The following SLC25A13 variants were observed in gnomAD, a reference collection of about 807,000 sequenced individuals.
SLC25A13 encodes the protein solute carrier family 25 member 13, also known as electrogenic aspartate/glutamate antiporter SLC25A13, mitochondrial.
A neutral mutation model predicts 85.5 loss-of-function variants in SLC25A13; 70 were observed. That is an observed-to-expected ratio of 0.82 (90% CI 0.68 to 1.00). The LOEUF (loss-of-function observed/expected upper bound fraction) is 1.00, where lower values mean the gene tolerates loss of function less well. Among genes scored for constraint, SLC25A13 ranks in the 50% least tolerant of loss-of-function variants. SLC25A13 has a pLI of 0.00. For synonymous variants in SLC25A13, 259 were observed against 288.7 expected (o/e 0.90, Z 1.04); for missense variants, 765 against 819.8 (o/e 0.93, Z 0.82).
At chr7:96,258,407 A>T (rs1030740056) in intron 3 of SLC25A13, among the ~76,000 whole-genome samples, 3 of 152,204 alleles carry the variant, frequency 2.0e-5, no homozygotes, top group Admixed American at 6.5e-5. Context: ...AATCACAAAC[A>T]TGCCTATACA....
intron 6 of SLC25A13, among the ~76,000 whole-genome samples, 163 bp downstream of exon 6, chr7:96,192,874 C>G (rs1391141261): frequency 6.6e-6 from 1 of 152,128 alleles, no homozygotes; most frequent in Non-Finnish European, 1.5e-5. Context: ...CCCACTAAAA[C>G]TAGCCAAAAC....
At chr7:96,320,070 T>C (rs547379698) in intron 1 of SLC25A13, among the ~76,000 whole-genome samples, 12 of 152,370 alleles carry the variant, frequency 7.9e-5, no homozygotes, top group African/African-American at 2.6e-4. Context: ...AATGGCACAA[T>C]CTCGGCTCAC....
At chr7:96,159,290 A>C (rs531236076) in intron 13 of SLC25A13, among the ~76,000 whole-genome samples, 29 of 152,226 alleles carry the variant, frequency 1.9e-4, no homozygotes, top group African/African-American at 6.7e-4. Context: ...GTCTCTCCAA[A>C]ATTTGTATAC....
chr7:96,255,543 C>A (rs1212016124), intron 3 of SLC25A13, among the ~76,000 whole-genome samples: 1 of 152,064 alleles, frequency 6.6e-6, no homozygotes, highest in Admixed American at 6.6e-5. Context: ...AAAATTTAGC[C>A]AGCCATGGTG....
At chr7:96,319,257 G>A (rs1800242948) in intron 1 of SLC25A13, among the ~76,000 whole-genome samples, 2 of 152,134 alleles carry the variant, frequency 1.3e-5, no homozygotes, top group East Asian at 3.9e-4. Context: ...GCATATAAAA[G>A]AAACTGCTCG....
At chr7:96,223,968 T>A (rs1796234334) in intron 4 of SLC25A13, among the ~76,000 whole-genome samples, 1 of 152,152 alleles carries the variant, frequency 6.6e-6, no homozygotes, top group South Asian at 2.1e-4. Context: ...ATCGACAGTT[T>A]CATTAAACAC....
chr7:96,145,505 T>C (rs1792746812), intron 14 of SLC25A13, among the ~76,000 whole-genome samples: 1 of 152,190 alleles, frequency 6.6e-6, no homozygotes, highest in South Asian at 2.1e-4. Flanking sequence ...TCTAGCAATA[T>C]GGTAAGTTGT....
intron 13 of SLC25A13, among the ~76,000 whole-genome samples, chr7:96,150,002 C>T (rs544756063): frequency 6.6e-6 from 1 of 152,064 alleles, no homozygotes; most frequent in Non-Finnish European, 1.5e-5. Context: ...AAATCATTTC[C>T]CTATGACTTA....
At chr7:96,227,373 T>C (rs1027270014) in intron 4 of SLC25A13, among the ~76,000 whole-genome samples, 2 of 152,188 alleles carry the variant, frequency 1.3e-5, no homozygotes, top group Admixed American at 6.5e-5. Flanking sequence ...CATATACATA[T>C]AGATATTATA....
Position 96,230,557 on chromosome 7 carries a change from A to T in SLC25A13, c.328+4245T>A, listed in dbSNP as rs58183498. 8.9e-3 allele frequency among the ~76,000 whole-genome samples: 1,355 copies of T among 152,368 alleles called. 16 individuals are homozygous for T. Among genetic ancestry groups the T allele is most frequent in the African/African-American group, 0.03 (1,263 of 41,586 alleles). The stretch of plus-strand genomic sequence containing the variant: ...TTAATTTTTTCTCCTCACATACAGA[A>T]TCACAAATTAACTAGAATTTACCAG... On this transcript the variant is annotated intron_variant, in intron 4 of 17. Transcript: ENST00000265631.
In SLC25A13 at chr7:96,245,511, A is replaced by C. The variant is rs1225170157; in HGVS notation, c.213-10594T>G. 2.0e-5 allele frequency among the ~76,000 whole-genome samples: 3 copies of C among 152,188 alleles called. No homozygotes were observed. The East Asian group carries it at 5.8e-4, about 29-fold the overall frequency. ...ACAATTCTTTAGATAAATATCCTTT[A>C]TTTCTTAAATACTAGTAGACATCAT... On this transcript the variant is annotated intron_variant, in intron 3 of 17. Coordinates refer to ENST00000265631, the MANE Select transcript of SLC25A13 (RefSeq NM_014251.3).
chr7:96,129,806 G>A (rs1035101349), intron 15 of SLC25A13, among the ~76,000 whole-genome samples: 1 of 152,148 alleles, frequency 6.6e-6, no homozygotes, highest in Non-Finnish European at 1.5e-5. Flanking sequence ...GGAAACACTG[G>A]AATTTGAACA....
chr7:96,220,899 T>A (rs1191266694), intron 4 of SLC25A13, among the ~76,000 whole-genome samples: 1 of 152,284 alleles, frequency 6.6e-6, no homozygotes, highest in South Asian at 2.1e-4. Flanking sequence ...AGGCAGTAGT[T>A]AACTAAGGAG....
At chr7:96,156,210 A>T (rs1358193505) in intron 13 of SLC25A13, among the ~76,000 whole-genome samples, 4 of 152,184 alleles carry the variant, frequency 2.6e-5, no homozygotes, top group African/African-American at 9.7e-5. Context: ...AGATATATCA[A>T]ATTTTTCTTT....
chr7:96,185,146 A>G (rs541793155), intron 9 of SLC25A13, 135 bp from the exon 10 acceptor site: 42 of 586,374 alleles, frequency 7.2e-5, no homozygotes, highest in African/African-American at 7.0e-4. Context: ...AATGTCAAGG[A>G]AAAAAGTAGG....
Position 96,303,852 on chromosome 7 carries a change from C to T in SLC25A13, c.16-6901G>A, listed in dbSNP as rs184715062. 3.3e-5 allele frequency among the ~76,000 whole-genome samples: 5 copies of T among 152,126 alleles called. No individual in the cohort carries two copies. In the East Asian group the frequency reaches 7.8e-4, roughly 24 times the overall value. ...CTGCTCTGCTTGAGACTCTAGACGT[C>T]ATTCTTTAGAGCTCAACCTCAAGTC... On this transcript the variant is annotated intron_variant, in intron 1 of 17. Coordinates refer to ENST00000265631, the MANE Select transcript of SLC25A13 (RefSeq NM_014251.3).
At chr7:96,189,106 T>C (rs1794743605) in intron 9 of SLC25A13, among the ~76,000 whole-genome samples, 188 bp downstream of exon 9, 1 of 152,236 alleles carries the variant, frequency 6.6e-6, no homozygotes, top group African/African-American at 2.4e-5. Context: ...AAATGCCAAA[T>C]ACCTGTTTAT....
At chr7:96,184,494 A>G (rs1326561442) in intron 10 of SLC25A13, 59 bp from the exon 11 acceptor site, 1 of 1,519,962 alleles carries the variant, frequency 6.6e-7, no homozygotes, top group African/African-American at 1.4e-5. Context: ...AAGAAAGAAG[A>G]AGGTAGTTAA....
rs919111709 is a variant in SLC25A13 at position 96,321,953 on chromosome 7, C to G, written c.4G>C (p.Ala2Pro). ...GGGCCCGCGGTTACCTTGGCGGCCG[C>G]CATGATTCGCCCCGGTTGCGGGCGA... M[A>P]AAKVALTKRA... The change falls in exon 1 of 18, where the codon GCG (alanine) becomes CCG (proline). Residue 2 changes from alanine (A) to proline (P), a missense_variant. Transcript: ENST00000265631. 1 of 1,541,204 alleles carries G rather than the reference C, an allele frequency of 6.5e-7. No homozygotes were observed. The highest frequency in any genetic ancestry group is 1.2e-5 in the South Asian group (1 of 82,630).
Sources: gnomAD v4.1 joint callset for allele counts (sites outside exome capture counted in the v4.1 genomes callset) on GRCh38, gnomAD v4.1.1 for gene constraint, MANE v1.5 for transcripts, NCBI Gene and HGNC (gene_info 2026-07-23, HGNC 2026-07-21) for gene names.